FAM50B: variants seen among roughly 807,000 people sequenced by gnomAD.
FAM50B encodes the protein family with sequence similarity 50 member B, also known as protein FAM50B.
A neutral mutation model predicts 25.4 loss-of-function variants in FAM50B; 9 were observed. That is an observed-to-expected ratio of 0.35 (90% CI 0.21 to 0.62). The LOEUF (loss-of-function observed/expected upper bound fraction) is 0.62, where lower values mean the gene tolerates loss of function less well. FAM50B is among the 20% of genes least tolerant of loss of function. The pLI is 0.73. For synonymous variants in FAM50B, 212 were observed against 204.3 expected (o/e 1.04, Z -0.32); for missense variants, 372 against 477.9 (o/e 0.78, Z 2.07).
chr6:3,841,299 G>A, the FAM50B span, among the ~76,000 whole-genome samples: 28 of 152,196 alleles, frequency 1.8e-4, no homozygotes, highest in African/African-American at 6.8e-4. Flanking sequence ...CCTGGGGCTG[G>A]TGGGTCCCTG....
the FAM50B span, among the ~76,000 whole-genome samples, chr6:3,842,915 A>G: frequency 6.6e-6 from 1 of 152,364 alleles, no homozygotes; most frequent in South Asian, 2.1e-4. Context: ...GGTAAGTTAC[A>G]CACATAGAGA....
chr6:3,846,647 C>T (rs1468015415), upstream of FAM50B, among the ~76,000 whole-genome samples: 1 of 152,338 alleles, frequency 6.6e-6, no homozygotes, highest in African/African-American at 2.4e-5. Flanking sequence ...TTCTTCCAAA[C>T]TTCTGTTAAT....
the FAM50B span, among the ~76,000 whole-genome samples, chr6:3,832,933 C>T: frequency 6.6e-6 from 1 of 152,044 alleles, no homozygotes; most frequent in Non-Finnish European, 1.5e-5. Flanking sequence ...ACGATCTTGG[C>T]TCACTGCAGC....
chr6:3,835,448 T>C, the FAM50B span, among the ~76,000 whole-genome samples: 1 of 152,196 alleles, frequency 6.6e-6, no homozygotes, highest in Non-Finnish European at 1.5e-5. Context: ...TTGGACTAAT[T>C]TGACAACACA....
At chr6:3,847,022 A>G (rs751865326), upstream of FAM50B, among the ~76,000 whole-genome samples, 18 of 152,352 alleles carry the variant, frequency 1.2e-4, no homozygotes, top group Middle Eastern at 3.4e-3. Context: ...TCAGTAAACC[A>G]TGCTGTAAAC....
At chr6:3,841,139 G>A in the FAM50B span, among the ~76,000 whole-genome samples, 148 of 152,324 alleles carry the variant, frequency 9.7e-4, no homozygotes, top group Non-Finnish European at 1.8e-3. Flanking sequence ...GTTAGGAGCC[G>A]CAACAAGAAT....
At chr6:3,833,182 G>A in the FAM50B span, among the ~76,000 whole-genome samples, 1 of 152,150 alleles carries the variant, frequency 6.6e-6, no homozygotes, top group Admixed American at 6.6e-5. Flanking sequence ...TTTAAAAACA[G>A]GTTTGTAGAA....
the FAM50B span, among the ~76,000 whole-genome samples, chr6:3,835,166 AAGG>A: frequency 1.3e-5 from 2 of 152,098 alleles, no homozygotes; most frequent in African/African-American, 2.4e-5. Flanking sequence ...GGGTGGAAGG[AAGG>A]AGGAGGAGGA....
At chr6:3,839,073 TTTA>T in the FAM50B span, among the ~76,000 whole-genome samples, 1 of 151,524 alleles carries the variant, frequency 6.6e-6, no homozygotes, top group Non-Finnish European at 1.5e-5. Context: ...GATCGGGTGA[TTTA>T]TAAAGAAAAG....
At position 3,850,904 on chromosome 6, in the gene FAM50B, G is replaced by A; in HGVS notation, c.*115G>A. 1 of 1,462,384 alleles carries A rather than the reference G, an allele frequency of 6.8e-7. No individual in the cohort carries two copies. 90.6% of individuals were successfully genotyped at this position (1,462,384 alleles called of 1,614,324 possible). A position where few individuals can be genotyped will look rare whatever the true frequency, so the allele number is the denominator to read the frequency against. On this transcript the variant is annotated 3_prime_UTR_variant, in exon 2 of 2. Coordinates refer to ENST00000648326, the MANE Select transcript of FAM50B (RefSeq NM_012135.3). Reference sequence around the variant, plus strand: ...TCTTCCCCCAAATTTAATAAAGACAGAGGGTTCTCATGATTCACATTGGTT... The same window carrying A: ...TCTTCCCCCAAATTTAATAAAGACAAAGGGTTCTCATGATTCACATTGGTT...
At position 3,850,125 on chromosome 6, in the gene FAM50B, G is replaced by A. The variant is rs770945816; in HGVS notation, c.314G>A (p.Arg105Gln). The stretch of plus-strand genomic sequence containing the variant: ...CAGCGGCTGCAGCAGGAGCGGCAGC[G>A]GGAGCAGGAGCAGCGGCGCGAGCGC... The part of the protein sequence containing the change: ...EEQRLQQERQ[R>Q]EQEQRRERKR... The change falls in exon 2 of 2, where the codon CGG (arginine) becomes CAG (glutamine). Residue 105 changes from arginine to glutamine, a missense_variant. Coordinates refer to ENST00000648326, the MANE Select transcript of FAM50B (RefSeq NM_012135.3). 1.4e-5 allele frequency: 22 copies of A among 1,610,024 alleles called. No individual in the cohort carries two copies. Among genetic ancestry groups the A allele is most frequent in the Non-Finnish European group, 1.8e-5 (21 of 1,178,740 alleles).
rs1359200383 is a variant in FAM50B, at chr6:3,850,630, C to T, written c.819C>T (p.Asp273=). ...GPLFSFDVHD[D]VRLLSDATME... ...TCTTCAGCTTCGATGTGCACGATGA[C>T]GTGCGCCTGCTCAGCGACGCCACCA... The change falls in exon 2 of 2, where the codon GAC becomes GAT. Residue 273 remains aspartate (D), a synonymous_variant. Transcript: ENST00000648326. 5 of 1,614,128 alleles carry T rather than the reference C, an allele frequency of 3.1e-6. No homozygotes were observed. The highest frequency in any genetic ancestry group is 2.2e-5 in the East Asian group (1 of 44,872).
chr6:3,833,606 A>C, the FAM50B span: 1 of 152,222 alleles, frequency 6.6e-6, no homozygotes, highest in Non-Finnish European at 1.5e-5. Context: ...AAATATTTTT[A>C]ATCTAAAGGG....
Position 3,849,817 on chromosome 6 carries a change from G to T in FAM50B, c.6G>T (p.Ala2=), listed in dbSNP as rs758295947. M[A]QYKGTMREAG... ...CCATCGGGTAGGCGCGGGCCATGGC[G>T]CAGTACAAGGGCACCATGCGCGAGG... Residue 2 remains alanine (A), a synonymous_variant, in exon 2 of 2, where the codon GCG becomes GCT. Transcript: ENST00000648326. 6.2e-7 allele frequency: 1 copy of T among 1,605,278 alleles called. No individual in the cohort carries two copies. The highest frequency in any genetic ancestry group is 8.5e-7 in the Non-Finnish European group (1 of 1,174,838).
chr6:3,839,087 G>T, the FAM50B span, among the ~76,000 whole-genome samples: 1 of 151,582 alleles, frequency 6.6e-6, no homozygotes, highest in Non-Finnish European at 1.5e-5. Context: ...TAAAGAAAAG[G>T]GGTCTATTTG....
At chr6:3,839,114 G>A in the FAM50B span, among the ~76,000 whole-genome samples, 1 of 151,774 alleles carries the variant, frequency 6.6e-6, no homozygotes, top group Non-Finnish European at 1.5e-5. Context: ...AGTTCTACAA[G>A]CTGTATAATA....
At chr6:3,843,159 A>G in the FAM50B span, among the ~76,000 whole-genome samples, 1 of 152,354 alleles carries the variant, frequency 6.6e-6, no homozygotes, top group South Asian at 2.1e-4. Context: ...TCAATCTATC[A>G]TATGAAAAAT....
the FAM50B span, among the ~76,000 whole-genome samples, chr6:3,834,822 A>G: frequency 6.6e-6 from 1 of 152,222 alleles, no homozygotes; most frequent in Admixed American, 6.5e-5. Flanking sequence ...GGAAAGAAGT[A>G]TGCTATATTG....
At chr6:3,836,856 A>T in the FAM50B span, among the ~76,000 whole-genome samples, 1 of 152,200 alleles carries the variant, frequency 6.6e-6, no homozygotes, top group East Asian at 1.9e-4. Flanking sequence ...GAAGCCAAGG[A>T]CAGAGGGAGG....
Sources: allele counts gnomAD v4.1 joint callset (sites outside exome capture counted in the v4.1 genomes callset), GRCh38; gene constraint gnomAD v4.1.1; transcripts MANE v1.5; gene names NCBI Gene and HGNC (gene_info 2026-07-23, HGNC 2026-07-21).